Variants in CCDC171 observed in about 807,000 individuals in gnomAD.
CCDC171 encodes the protein coiled-coil domain-containing protein 171.
Under a neutral mutation model 168.2 loss-of-function variants are expected in CCDC171, and 177 were observed. The ratio of observed to expected loss-of-function variants is 1.05; its 90% CI spans 0.93 to 1.19. The LOEUF (loss-of-function observed/expected upper bound fraction) is 1.19. Among genes scored for constraint, CCDC171 ranks in the 50% most tolerant of loss-of-function variants. The pLI, the probability that CCDC171 is intolerant of heterozygous loss-of-function variation, is 0.00. For synonymous variants in CCDC171, 687 were observed against 540.8 expected (o/e 1.27, Z -3.75); for missense variants, 1,991 against 1,539.0 (o/e 1.29, Z -4.91).
At position 15,678,828 on chromosome 9, in the gene CCDC171, A is replaced by G; in HGVS notation, c.1147A>G (p.Ile383Val). Residue 383 changes from isoleucine to valine, a missense_variant, in exon 10 of 26, where the codon ATA becomes GTA. Transcript: ENST00000380701. ...EDIEEQKKVI[I>V]DLSKRLQYNE... The stretch of plus-strand genomic sequence containing the variant: ...CATCGAGGAACAGAAGAAAGTAATT[A>G]TAGACCTTTCAAAGAGACTCCAGTA... 1 of 1,597,008 alleles carries G rather than the reference A, an allele frequency of 6.3e-7. No individual in the cohort carries two copies. The highest frequency in any genetic ancestry group is 1.1e-5 in the South Asian group (1 of 87,450).
chr9:15,857,564 A>C (rs1054715797), intron 23 of CCDC171, among the ~76,000 whole-genome samples: 4 of 151,958 alleles, frequency 2.6e-5, no homozygotes, highest in African/African-American at 4.8e-5. Context: ...CTGGAACTAC[A>C]GTAATACACC....
In CCDC171 at chr9:15,564,143, C is replaced by A; in HGVS notation, c.41+14C>A. 1 of 1,595,060 alleles carries A rather than the reference C, an allele frequency of 6.3e-7. No homozygotes were observed. Among genetic ancestry groups the A allele is most frequent in the Non-Finnish European group, 8.6e-7 (1 of 1,168,914 alleles). ...TGATACCCAAAGGTAAGCCTCTAGT[C>A]TCTTCTTTTAGTTGATGAACGTTTT... On this transcript the variant is annotated intron_variant, in intron 2 of 25. Coordinates refer to ENST00000380701, the MANE Select transcript of CCDC171 (RefSeq NM_173550.4).
intron 3 of CCDC171, among the ~76,000 whole-genome samples, chr9:16,015,305 C>T (rs1236232961): frequency 1.3e-5 from 2 of 152,188 alleles, no homozygotes; most frequent in South Asian, 2.1e-4. Flanking sequence ...GCAACTTCCT[C>T]ACCTTCTCAG....
At chr9:15,759,938 T>TA (rs1347437862) in intron 18 of CCDC171, among the ~76,000 whole-genome samples, 1 of 152,176 alleles carries the variant, frequency 6.6e-6, no homozygotes, top group Non-Finnish European at 1.5e-5. Flanking sequence ...CTTTGATTTG[T>TA]AATTGACTCA....
Position 15,741,125 on chromosome 9 carries a change from G to A in CCDC171, c.2050-3148G>A, listed in dbSNP as rs551241420. Among the ~76,000 whole-genome samples, 14 of 151,962 alleles carry A rather than the reference G, an allele frequency of 9.2e-5. No homozygotes were observed. In the East Asian group the frequency reaches 2.5e-3, roughly 27 times the overall value. ...AAGGATATTGATATTTTAAATTGTGGTAAAATATGCATGACATAACATTTA... is the reference window on the plus strand; with the variant it reads ...AAGGATATTGATATTTTAAATTGTGATAAAATATGCATGACATAACATTTA... On this transcript the variant is annotated intron_variant, in intron 16 of 25. Coordinates refer to ENST00000380701, the MANE Select transcript of CCDC171 (RefSeq NM_173550.4).
chr9:15,748,704 T>C (rs1482712937), intron 18 of CCDC171, among the ~76,000 whole-genome samples: 1 of 152,170 alleles, frequency 6.6e-6, no homozygotes, highest in Admixed American at 6.5e-5. Flanking sequence ...CAACTCAGAA[T>C]TTCATATCCA....
intron 1 of CCDC171, among the ~76,000 whole-genome samples, chr9:16,060,209 T>C (rs1833910222): frequency 6.6e-6 from 1 of 152,192 alleles, no homozygotes; most frequent in Non-Finnish European, 1.5e-5. Context: ...TCATGAGATC[T>C]TGGACTGTTT....
At chr9:15,647,164 C>G (rs1401316764) in intron 7 of CCDC171, among the ~76,000 whole-genome samples, 1 of 152,038 alleles carries the variant, frequency 6.6e-6, no homozygotes, top group Non-Finnish European at 1.5e-5. Context: ...GGGTACATAA[C>G]AAAATGAAGG....
At chr9:15,559,178 G>A (rs544402683) in intron 1 of CCDC171, among the ~76,000 whole-genome samples, 7 of 152,174 alleles carry the variant, frequency 4.6e-5, no homozygotes, top group Non-Finnish European at 7.4e-5. Flanking sequence ...TGGAATAAGT[G>A]TGATGTGGTG....
At chr9:15,647,863 T>C (rs1022788577) in intron 7 of CCDC171, among the ~76,000 whole-genome samples, 4 of 151,986 alleles carry the variant, frequency 2.6e-5, no homozygotes, top group African/African-American at 4.8e-5. Context: ...TTCCAATCAA[T>C]AGAAAAAGAA....
At chr9:15,950,887 T>G (rs1829074030) in intron 25 of CCDC171, among the ~76,000 whole-genome samples, 1 of 151,178 alleles carries the variant, frequency 6.6e-6, no homozygotes, top group Non-Finnish European at 1.5e-5. Flanking sequence ...CCATCTCACG[T>G]GCAGAGACAC....
At position 15,777,761 on chromosome 9, in the gene CCDC171, C is replaced by T. The variant is rs781086858; in HGVS notation, c.2833C>T (p.His945Tyr). 3.1e-6 allele frequency: 5 copies of T among 1,613,902 alleles called. No individual in the cohort carries two copies. The highest frequency in any genetic ancestry group is 4.2e-6 in the Non-Finnish European group (5 of 1,180,006). ...EKDSLVQRLAHGLHKVNTLAL... is the reference protein window; with the variant it reads ...EKDSLVQRLAYGLHKVNTLAL... ...AGATTCCCTGGTTCAGAGGCTGGCC[C>T]ATGGACTTCATAAAGTAAACACACT... Residue 945 changes from histidine to tyrosine, a missense_variant, in exon 19 of 26, where the codon CAT becomes TAT. Transcript: ENST00000380701.
At chr9:15,982,103 C>T (rs1464341760) in intron 3 of CCDC171, among the ~76,000 whole-genome samples, 1 of 152,106 alleles carries the variant, frequency 6.6e-6, no homozygotes, top group Non-Finnish European at 1.5e-5. Flanking sequence ...GACATACTTC[C>T]TCTGTATGGA....
chr9:15,563,906 A>G (rs1277841337), intron 1 of CCDC171, 72 bp from the exon 2 acceptor site: 2 of 556,548 alleles, frequency 3.6e-6, no homozygotes, highest in Admixed American at 7.1e-5. Flanking sequence ...TCCAAAATAA[A>G]CCAAAAAACA....
intron 3 of CCDC171, among the ~76,000 whole-genome samples, chr9:16,003,933 C>T (rs1487929817): frequency 6.6e-6 from 1 of 152,210 alleles, no homozygotes; most frequent in East Asian, 1.9e-4. Flanking sequence ...TGCAAACACA[C>T]GGCGGGGAGT....
At chr9:15,692,042 T>G (rs2050838406) in intron 10 of CCDC171, among the ~76,000 whole-genome samples, 1 of 152,198 alleles carries the variant, frequency 6.6e-6, no homozygotes, top group Admixed American at 6.5e-5. Context: ...TTGAGTATTT[T>G]ATAACACAGC....
the CCDC171 span, among the ~76,000 whole-genome samples, chr9:16,076,110 G>A: frequency 6.6e-6 from 1 of 152,028 alleles, no homozygotes; most frequent in East Asian, 1.9e-4. Flanking sequence ...AATGCTCTGG[G>A]CCAGTCAGCT....
At chr9:16,028,211 G>A (rs907687436) in intron 6 of CCDC171, among the ~76,000 whole-genome samples, 1 of 152,156 alleles carries the variant, frequency 6.6e-6, no homozygotes, top group Admixed American at 6.5e-5. Flanking sequence ...CAGACACTGA[G>A]GTCCAATCTG....
intron 6 of CCDC171, among the ~76,000 whole-genome samples, chr9:15,596,708 G>A (rs2042392445): frequency 6.6e-6 from 1 of 151,688 alleles, no homozygotes; most frequent in Non-Finnish European, 1.5e-5. Flanking sequence ...TGATGGGGAT[G>A]GCATTGAATC....
Sources: allele counts gnomAD v4.1 joint callset (sites outside exome capture counted in the v4.1 genomes callset), GRCh38; gene constraint gnomAD v4.1.1; transcripts MANE v1.5; gene names NCBI Gene and HGNC (gene_info 2026-07-23, HGNC 2026-07-21).